TYR: variants seen among roughly 807,000 people sequenced by gnomAD.
TYR encodes the protein LB24-AB.
In TYR, 58 loss-of-function variants were observed where a neutral mutation model predicts 51.5. That is an observed-to-expected ratio of 1.13 (90% CI 0.91 to 1.40). The LOEUF is 1.40. Among genes scored for constraint, TYR ranks in the 40% most tolerant of loss-of-function variants. TYR has a pLI of 0.00. For missense variants in TYR, 732 were observed against 647.4 expected (o/e 1.13, Z -1.42); for synonymous variants, 263 against 235.2 (o/e 1.12, Z -1.08).
At chr11:89,294,437 C>T (rs185864564) in intron 4 of TYR, among the ~76,000 whole-genome samples, 473 of 152,246 alleles carry the variant, frequency 3.1e-3, no homozygotes, top group African/African-American at 0.01. Context: ...AGTCCTGAGG[C>T]CTATAAAGGC....
At chr11:89,245,158 C>T (rs1326106942) in intron 3 of TYR, among the ~76,000 whole-genome samples, 2 of 152,096 alleles carry the variant, frequency 1.3e-5, no homozygotes, top group African/African-American at 2.4e-5. Context: ...TGTGTAAAAA[C>T]AGTCAATATA....
chr11:89,256,316 T>C (rs117239665), intron 3 of TYR, among the ~76,000 whole-genome samples: 26 of 151,938 alleles, frequency 1.7e-4, no homozygotes, highest in Non-Finnish European at 2.5e-4. Context: ...TCCTATGTCA[T>C]ATGCCTTCAA....
rs12804012 is a variant in TYR at position 89,227,622 on chromosome 11, G to A, written c.1037-201G>A. The stretch of plus-strand genomic sequence containing the variant: ...TAAGCTCTCCATTGTACCCAAATTT[G>A]GGCCATTTAATTCCACAAATATTTA... On this transcript the variant is annotated intron_variant, in intron 2 of 4. Transcript: ENST00000263321. 0.23 allele frequency among the ~76,000 whole-genome samples: 34,838 copies of A among 151,918 alleles called. 6,298 individuals carry two copies. Among genetic ancestry groups the A allele is most frequent in the African/African-American group, 0.5 (20,865 of 41,416 alleles).
chr11:89,272,898 C>T (rs1215355256), intron 3 of TYR, among the ~76,000 whole-genome samples: 1 of 151,946 alleles, frequency 6.6e-6, no homozygotes, highest in Non-Finnish European at 1.5e-5. Context: ...TCTTCAACTT[C>T]CTCACTGCTC....
intron 2 of TYR, among the ~76,000 whole-genome samples, chr11:89,199,032 T>C (rs990561829): frequency 8.5e-5 from 13 of 152,116 alleles, no homozygotes; most frequent in Admixed American, 2.6e-4. Flanking sequence ...GTCCTTGTGA[T>C]AGTTTGCTGA....
At chr11:89,214,284 C>A (rs965272354) in intron 2 of TYR, among the ~76,000 whole-genome samples, 2 of 152,134 alleles carry the variant, frequency 1.3e-5, no homozygotes, top group African/African-American at 2.4e-5. Flanking sequence ...TGAAAAAATC[C>A]TCATCATCCC....
At chr11:89,214,773 G>A (rs904419632) in intron 2 of TYR, among the ~76,000 whole-genome samples, 1 of 152,100 alleles carries the variant, frequency 6.6e-6, no homozygotes, top group African/African-American at 2.4e-5. Context: ...GATGAACAGA[G>A]CTCTAAAGTA....
intron 3 of TYR, among the ~76,000 whole-genome samples, chr11:89,254,876 C>T (rs1270281058): frequency 6.6e-6 from 1 of 151,342 alleles, no homozygotes; most frequent in Non-Finnish European, 1.5e-5. Context: ...TTGTTTTGTT[C>T]TTGTTTCTCT....
intron 1 of TYR, among the ~76,000 whole-genome samples, chr11:89,180,209 A>G (rs1943283359): frequency 6.6e-6 from 1 of 152,210 alleles, no homozygotes; most frequent in Admixed American, 6.5e-5. Flanking sequence ...ACCTTAATCT[A>G]TAATGTGCAA....
chr11:89,251,458 T>C (rs541717624), intron 3 of TYR, among the ~76,000 whole-genome samples: 1 of 151,816 alleles, frequency 6.6e-6, no homozygotes, highest in African/African-American at 2.4e-5. Flanking sequence ...CCAAGATACA[T>C]CTTGTTAAGT....
chr11:89,277,174 C>G (rs1365968282), intron 3 of TYR, among the ~76,000 whole-genome samples: 1 of 151,504 alleles, frequency 6.6e-6, no homozygotes, highest in African/African-American at 2.4e-5. Context: ...TGTTTATTAT[C>G]ATTTAAAAAT....
At chr11:89,237,778 GTATCAACA>G (rs1944137388) in intron 3 of TYR, among the ~76,000 whole-genome samples, 1 of 151,878 alleles carries the variant, frequency 6.6e-6, no homozygotes, top group African/African-American at 2.4e-5. Context: ...GCTTTAGGTA[GTATCAACA>G]TTTTAATAAT....
At chr11:89,231,129 C>A (rs1457094125) in intron 3 of TYR, among the ~76,000 whole-genome samples, 1 of 146,082 alleles carries the variant, frequency 6.8e-6, no homozygotes, top group African/African-American at 2.6e-5. Context: ...CAAGATCATG[C>A]CATTGCACTC....
At position 89,184,027 on chromosome 11, in the gene TYR, G is replaced by A. The variant is rs552287762; in HGVS notation, c.819+5255G>A. Among the ~76,000 whole-genome samples the A allele has an allele frequency of 4.8e-4, 73 of 152,228 alleles. 2 individuals carry two copies. Among genetic ancestry groups the A allele is most frequent in the African/African-American group, 1.7e-3 (71 of 41,570 alleles). On this transcript the variant is annotated intron_variant, in intron 1 of 4. Transcript: ENST00000263321. ...CAAGGCCATGTAACTAATAGGGTCA[G>A]TATTGGAAACCAGGTCTTTCTGACT...
intron 2 of TYR, among the ~76,000 whole-genome samples, chr11:89,219,976 A>T (rs1188554079): frequency 3.3e-5 from 5 of 152,186 alleles, no homozygotes; most frequent in Non-Finnish European, 7.4e-5. Context: ...TCTATTTTAA[A>T]TTTTATTGCA....
intron 2 of TYR, among the ~76,000 whole-genome samples, chr11:89,220,535 A>G (rs1278519281): frequency 9.9e-5 from 15 of 152,148 alleles, no homozygotes; most frequent in African/African-American, 2.4e-5. Flanking sequence ...TAAACCACCT[A>G]TCCTCTTTGA....
rs182510497 is a variant in TYR at position 89,236,571 on chromosome 11, T to C, written c.1184+8601T>C. ...GATTCTGATGATTCAATTATCATTA[T>C]ACAGAAAGCTAGAGAACTGTGGGTT... On this transcript the variant is annotated intron_variant, in intron 3 of 4. Transcript: ENST00000263321. Among the ~76,000 whole-genome samples, 458 of 152,336 alleles carry C rather than the reference T, an allele frequency of 3.0e-3. 3 individuals are homozygous for C. The highest frequency in any genetic ancestry group is 5.4e-3 in the Non-Finnish European group (369 of 68,026).
chr11:89,187,079 C>T (rs1943384490), intron 1 of TYR, among the ~76,000 whole-genome samples: 1 of 152,156 alleles, frequency 6.6e-6, no homozygotes, highest in Admixed American at 6.5e-5. Context: ...CTAATCTACC[C>T]ACCTACTCAA....
At chr11:89,278,400 CA>C (rs1277062971) in intron 3 of TYR, among the ~76,000 whole-genome samples, 3 of 151,404 alleles carry the variant, frequency 2.0e-5, no homozygotes, top group Non-Finnish European at 4.4e-5. Flanking sequence ...GGCCCAGAGC[CA>C]GTTTATTATA....
Sources: allele counts gnomAD v4.1 joint callset (sites outside exome capture counted in the v4.1 genomes callset), GRCh38; gene constraint gnomAD v4.1.1; transcripts MANE v1.5; gene names NCBI Gene and HGNC (gene_info 2026-07-23, HGNC 2026-07-21).